The following SGCE variants were observed in gnomAD, a reference collection of about 807,000 sequenced individuals.
The protein encoded by SGCE is sarcoglycan epsilon.
A neutral mutation model predicts 57.8 loss-of-function variants in SGCE; 26 were observed. That is an observed-to-expected ratio of 0.45 (90% CI 0.33 to 0.62). The LOEUF is 0.62. SGCE is among the 20% of genes least tolerant of loss of function. SGCE has a pLI of 0.02. For synonymous variants in SGCE, 183 were observed against 189.5 expected (o/e 0.97, Z 0.28); for missense variants, 468 against 548.6 (o/e 0.85, Z 1.47).
chr7:94,623,738 A>C lies in SGCE; in HGVS notation c.391-341T>G, dbSNP rs1337825323. ...CTTACCAGTGATGTTCTAAGATTTC[A>C]AAAAAAAAACAATAATTTTTGTACT... is the stretch of plus-strand genomic sequence containing the variant. On this transcript the variant is annotated intron_variant, in intron 3 of 10. Coordinates refer to ENST00000648936, the MANE Select transcript of SGCE (RefSeq NM_003919.3). The C allele has an allele frequency of 1.1e-5, 4 of 351,476 alleles. No homozygotes were observed. The East Asian group carries it at 1.2e-4, about 11-fold the overall frequency. The allele number at this position is 351,476 out of a possible 1,614,324, so 21.8% of individuals were successfully genotyped here.
chr7:94,641,680 A>G (rs1290007709), intron 1 of SGCE, among the ~76,000 whole-genome samples: 1 of 152,228 alleles, frequency 6.6e-6, no homozygotes, highest in Non-Finnish European at 1.5e-5. Flanking sequence ...CAGAAGTAAA[A>G]GGCATATTTC....
chr7:94,617,536 T>C (rs1272980043), intron 5 of SGCE: 1 of 152,198 alleles, frequency 6.6e-6, no homozygotes, highest in African/African-American at 2.4e-5. Flanking sequence ...ACGGTTCTGC[T>C]TTAATTACTT....
chr7:94,634,536 T>G (rs529784036), intron 1 of SGCE, among the ~76,000 whole-genome samples: 33 of 152,338 alleles, frequency 2.2e-4, no homozygotes, highest in Admixed American at 1.6e-3. Context: ...TAGCAGCTTC[T>G]CTATCCCCTC....
intron 5 of SGCE, among the ~76,000 whole-genome samples, chr7:94,614,345 TC>T (rs1801564414): frequency 6.6e-6 from 1 of 152,176 alleles, no homozygotes; most frequent in African/African-American, 2.4e-5. Context: ...CATTCAGTCT[TC>T]CCTATTCTAC....
intron 5 of SGCE, among the ~76,000 whole-genome samples, chr7:94,614,933 TG>T (rs1389856117): frequency 1.3e-5 from 2 of 152,240 alleles, no homozygotes; most frequent in Non-Finnish European, 2.9e-5. Context: ...TGACTTCATT[TG>T]TTTTTTTGTT....
chr7:94,618,943 T>G lies in SGCE; in HGVS notation c.477A>C (p.Pro159=), dbSNP rs1265613315. The change falls in exon 5 of 11, where the codon CCA becomes CCC. Residue 159 remains proline, a synonymous_variant. Coordinates refer to ENST00000648936, the MANE Select transcript of SGCE (RefSeq NM_003919.3). ...TCTTAATGAAGAATTCTGCTTGATA[T>G]GGCAACGGGAAGTCTAATTTTGGTG... ...NIMSAEDFPL[P]YQAEFFIKNM... 1 of 1,613,146 alleles carries G rather than the reference T, an allele frequency of 6.2e-7. No individual in the cohort carries two copies. The highest frequency in any genetic ancestry group is 1.7e-5 in the Admixed American group (1 of 60,008).
chr7:94,595,459 A>G (rs1234336719), intron 9 of SGCE, among the ~76,000 whole-genome samples: 4 of 152,168 alleles, frequency 2.6e-5, no homozygotes, highest in African/African-American at 7.2e-5. Flanking sequence ...TTGTTTATGA[A>G]TGATAAATTC....
intron 9 of SGCE, 84 bp from the exon 10 acceptor site, chr7:94,588,816 T>C (rs930930815): frequency 1.3e-6 from 2 of 1,529,952 alleles, no homozygotes; most frequent in South Asian, 2.2e-5. Context: ...TGAAAAACTT[T>C]ACGGGTAAAC....
chr7:94,603,216 T>A lies in SGCE; in HGVS notation c.825+74A>T, dbSNP rs182237962. On this transcript the variant is annotated intron_variant, in intron 6 of 10. Coordinates refer to ENST00000648936, the MANE Select transcript of SGCE (RefSeq NM_003919.3). Reference sequence around the variant, plus strand: ...CCTAGGATTTATTCCTAAAAGCAGTTCAGGTTTTAGTCAAACGTTAACTCC... The same window carrying A: ...CCTAGGATTTATTCCTAAAAGCAGTACAGGTTTTAGTCAAACGTTAACTCC... The A allele has an allele frequency of 2.3e-3, 2,652 of 1,170,960 alleles. 5 individuals are homozygous for A. The highest frequency in any genetic ancestry group is 4.9e-3 in the Admixed American group (255 of 51,740). 72.5% of individuals were successfully genotyped at this position (1,170,960 alleles called of 1,614,324 possible).
chr7:94,595,263 T>C (rs1798224269), intron 9 of SGCE, among the ~76,000 whole-genome samples: 1 of 152,196 alleles, frequency 6.6e-6, no homozygotes, highest in Admixed American at 6.5e-5. Flanking sequence ...TTGTGAGTTC[T>C]CTATAACTTT....
chr7:94,654,398 C>G (rs1808299414), intron 1 of SGCE, among the ~76,000 whole-genome samples: 1 of 151,986 alleles, frequency 6.6e-6, no homozygotes, highest in South Asian at 2.1e-4. Context: ...AAGTAACTTT[C>G]GAATTTAAAC....
intron 1 of SGCE, among the ~76,000 whole-genome samples, chr7:94,648,280 C>A (rs1001795901): frequency 2.0e-5 from 3 of 147,880 alleles, no homozygotes; most frequent in African/African-American, 7.5e-5. Flanking sequence ...GAGGCTGAGG[C>A]AGGAGAATCA....
intron 5 of SGCE, among the ~76,000 whole-genome samples, chr7:94,611,297 G>T (rs1800982980): frequency 6.6e-6 from 1 of 152,062 alleles, no homozygotes; most frequent in Non-Finnish European, 1.5e-5. Context: ...CCATAAAATA[G>T]AATATTATTC....
chr7:94,651,598 G>T (rs1289812157), intron 1 of SGCE, among the ~76,000 whole-genome samples: 1 of 152,150 alleles, frequency 6.6e-6, no homozygotes, highest in Non-Finnish European at 1.5e-5. Flanking sequence ...CAAAGTGTAA[G>T]AAATCTATAC....
chr7:94,589,752 TCA>T (rs751381464), intron 9 of SGCE: 12 of 182,742 alleles, frequency 6.6e-5, no homozygotes, highest in Non-Finnish European at 8.7e-5. Context: ...CTGTCCCCCA[TCA>T]CCCCCTGATG....
intron 9 of SGCE, among the ~76,000 whole-genome samples, chr7:94,593,199 A>G (rs1439279610): frequency 1.3e-5 from 2 of 152,098 alleles, no homozygotes; most frequent in Non-Finnish European, 2.9e-5. Context: ...CTACTTTTAT[A>G]CTTGTTAATT....
chr7:94,585,163 G>T lies in SGCE; in HGVS notation c.*336C>A. The T allele has an allele frequency of 4.0e-6, 1 of 249,588 alleles. No homozygotes were observed. The highest frequency in any genetic ancestry group is 7.7e-6 in the Non-Finnish European group (1 of 129,554). The allele number at this position is 249,588 out of a possible 1,614,324, so 15.5% of individuals were successfully genotyped here. On this transcript the variant is annotated 3_prime_UTR_variant, in exon 11 of 11. Coordinates refer to ENST00000648936, the MANE Select transcript of SGCE (RefSeq NM_003919.3). Reference sequence around the variant, plus strand: ...ATGAACACATAAACCTGTTTCTAGCGATTAAAAGATTTCTACTAAATAGGA... The same window carrying T: ...ATGAACACATAAACCTGTTTCTAGCTATTAAAAGATTTCTACTAAATAGGA...
chr7:94,587,437 A>G, intron 10 of SGCE: 1 of 1,171,884 alleles, frequency 8.5e-7, no homozygotes, highest in Non-Finnish European at 1.1e-6. Flanking sequence ...TAGAAATCTT[A>G]GGCGAGATGG....
intron 1 of SGCE, among the ~76,000 whole-genome samples, chr7:94,639,055 T>C (rs1213204963): frequency 6.6e-6 from 1 of 152,196 alleles, no homozygotes; most frequent in African/African-American, 2.4e-5. Flanking sequence ...AGTGGCAAGC[T>C]AGTGACTGGA....
Sources: allele counts gnomAD v4.1 joint callset (sites outside exome capture counted in the v4.1 genomes callset), GRCh38; gene constraint gnomAD v4.1.1; transcripts MANE v1.5; gene names NCBI Gene and HGNC (gene_info 2026-07-23, HGNC 2026-07-21).